The following HERC4 variants were observed in gnomAD, a reference collection of about 807,000 sequenced individuals.
HERC4 encodes probable E3 ubiquitin-protein ligase HERC4.
HERC4 carries 28 observed loss-of-function variants against 124.3 expected under a neutral mutation model. That is an observed-to-expected ratio of 0.23 (90% CI 0.17 to 0.31). The LOEUF is 0.31. Among genes scored for constraint, HERC4 ranks in the 10% least tolerant of loss-of-function variants. HERC4 has a pLI of 1.00. For synonymous variants in HERC4, 407 were observed against 421.5 expected (o/e 0.97, Z 0.42); for missense variants, 713 against 1,229.3 (o/e 0.58, Z 6.28).
intron 19 of HERC4, among the ~76,000 whole-genome samples, chr10:67,946,398 A>C (rs938073040): frequency 5.6e-5 from 6 of 106,636 alleles, no homozygotes; most frequent in Admixed American, 1.8e-4. Flanking sequence ...CACACACACA[A>C]GACCCAATGA....
intron 15 of HERC4, among the ~76,000 whole-genome samples, chr10:67,969,758 T>C (rs2035118228): frequency 6.6e-6 from 1 of 151,956 alleles, no homozygotes; most frequent in Non-Finnish European, 1.5e-5. Context: ...GAGCAGAAAC[T>C]GCCACACAAA....
At chr10:67,965,789 A>T (rs1280119201) in intron 16 of HERC4, 1 of 152,130 alleles carries the variant, frequency 6.6e-6, no homozygotes, top group Non-Finnish European at 1.5e-5. Flanking sequence ...CTGCACACAT[A>T]TTAAATTACC....
Position 67,939,646 on chromosome 10 carries a change from T to C in HERC4, c.2513A>G (p.Gln838Arg). ...ATCTTCTGGATAATCCAGTAACTGT[T>C]GCATGCTTCTGCAAAATAATATATA... ...ELMPDVGRSM[Q>R]QLLDYPEDDI... Residue 838 changes from glutamine (Q) to arginine (R), a missense_variant, in exon 21 of 25, where the codon CAA becomes CGA. Coordinates refer to ENST00000373700, the MANE Select transcript of HERC4 (RefSeq NM_015601.4). The C allele has an allele frequency of 6.3e-7, 1 of 1,599,932 alleles. No homozygotes were observed. The highest frequency in any genetic ancestry group is 2.2e-5 in the East Asian group (1 of 44,644).
At chr10:67,974,077 C>T (rs1359487503) in intron 15 of HERC4, among the ~76,000 whole-genome samples, 1,492 of 11,658 alleles carry the variant, frequency 0.13, 57 homozygotes, top group South Asian at 0.43. Context: ...TTACTGTACA[C>T]ACACACACAC....
chr10:67,963,985 T>G (rs1382142882), intron 16 of HERC4, among the ~76,000 whole-genome samples: 1 of 122,616 alleles, frequency 8.2e-6, no homozygotes, highest in African/African-American at 2.5e-5. Context: ...TTTGAGAAGC[T>G]TTACCTAGGT....
chr10:68,045,686 T>C (rs1049456330), intron 3 of HERC4, among the ~76,000 whole-genome samples: 1 of 152,236 alleles, frequency 6.6e-6, no homozygotes, highest in Admixed American at 6.5e-5. Flanking sequence ...ACAAGTTTTT[T>C]AAAAGATACC....
At chr10:68,068,046 A>AT (rs1456049808) in intron 3 of HERC4, 1 of 152,142 alleles carries the variant, frequency 6.6e-6, no homozygotes, top group Non-Finnish European at 1.5e-5. Context: ...TAAGATAGTA[A>AT]TTTTTTAAAG....
intron 3 of HERC4, among the ~76,000 whole-genome samples, chr10:68,046,078 T>C (rs946477431): frequency 6.6e-6 from 1 of 151,688 alleles, no homozygotes; most frequent in Non-Finnish European, 1.5e-5. Context: ...AAAAAGTATT[T>C]TACAGAAACA....
chr10:67,977,384 T>C (rs948507793), intron 15 of HERC4, among the ~76,000 whole-genome samples: 2 of 152,158 alleles, frequency 1.3e-5, no homozygotes, highest in Non-Finnish European at 2.9e-5. Context: ...TGAAGAGCCC[T>C]TGGGTCCCTG....
chr10:67,998,802 A>G (rs1233609212), intron 9 of HERC4, among the ~76,000 whole-genome samples: 3 of 151,996 alleles, frequency 2.0e-5, no homozygotes, highest in Admixed American at 6.6e-5. Context: ...GCAATGGTGC[A>G]ATCTCAGCTC....
At chr10:67,937,240 C>T (rs2032445398) in intron 21 of HERC4, among the ~76,000 whole-genome samples, 1 of 152,020 alleles carries the variant, frequency 6.6e-6, no homozygotes, top group Admixed American at 6.6e-5. Context: ...AAAAAAAATA[C>T]TGTGTGATAT....
At chr10:68,047,634 A>G (rs1426234611) in intron 3 of HERC4, among the ~76,000 whole-genome samples, 2 of 152,242 alleles carry the variant, frequency 1.3e-5, no homozygotes, top group East Asian at 1.9e-4. Flanking sequence ...TATTTAACTT[A>G]TATGTTCAAC....
intron 8 of HERC4, among the ~76,000 whole-genome samples, chr10:68,023,116 T>G (rs12414751): frequency 0.1 from 15,730 of 151,976 alleles, 904 homozygotes; most frequent in South Asian, 0.15. Context: ...GCAGTTACTA[T>G]GAGAAACAGT....
At chr10:68,051,101 CAAA>C (rs755520085) in intron 3 of HERC4, among the ~76,000 whole-genome samples, 1 of 95,450 alleles carries the variant, frequency 1.0e-5, no homozygotes. Flanking sequence ...ACCCAAAGAC[CAAA>C]AAAAAAAAAA....
At chr10:68,015,040 C>A (rs2038178959) in intron 8 of HERC4, among the ~76,000 whole-genome samples, 1 of 152,196 alleles carries the variant, frequency 6.6e-6, no homozygotes, top group Non-Finnish European at 1.5e-5. Flanking sequence ...ATGACTATTA[C>A]AGTTGTTCCC....
intron 19 of HERC4, among the ~76,000 whole-genome samples, chr10:67,947,957 G>A (rs1471600141): frequency 2.3e-5 from 3 of 131,244 alleles, no homozygotes; most frequent in Non-Finnish European, 4.9e-5. Context: ...CCAAAGTGGT[G>A]GGATTACAGG....
intron 7 of HERC4, among the ~76,000 whole-genome samples, chr10:68,030,062 T>C (rs2133326577): frequency 6.6e-6 from 1 of 152,228 alleles, no homozygotes; most frequent in African/African-American, 2.4e-5. Context: ...TAATCACATG[T>C]AACAGTTTCT....
chr10:67,968,278 A>G (rs990851929), intron 15 of HERC4, among the ~76,000 whole-genome samples: 16 of 152,178 alleles, frequency 1.1e-4, no homozygotes, highest in African/African-American at 3.9e-4. Context: ...TAAACCATGA[A>G]TGCACAAGGC....
chr10:68,004,884 G>A (rs973662465), intron 9 of HERC4, among the ~76,000 whole-genome samples: 1 of 152,140 alleles, frequency 6.6e-6, no homozygotes, highest in Non-Finnish European at 1.5e-5. Context: ...GGGTCTCTCC[G>A]TTGACACATG....
Sources: allele counts gnomAD v4.1 joint callset (sites outside exome capture counted in the v4.1 genomes callset), GRCh38; gene constraint gnomAD v4.1.1; transcripts MANE v1.5; gene names NCBI Gene and HGNC (gene_info 2026-07-23, HGNC 2026-07-21).